MAPKAP1: variants seen among roughly 807,000 people sequenced by gnomAD.
MAPKAP1 encodes MAPK associated protein 1, also known as target of rapamycin complex 2 subunit MAPKAP1.
MAPKAP1 carries 20 observed loss-of-function variants against 65.7 expected under a neutral mutation model. That is an observed-to-expected ratio of 0.30 (90% CI 0.21 to 0.44). The LOEUF (loss-of-function observed/expected upper bound fraction) is 0.44. Among genes scored for constraint, MAPKAP1 ranks in the 20% least tolerant of loss-of-function variants. MAPKAP1 has a pLI of 1.00. For synonymous variants in MAPKAP1, 222 were observed against 244.3 expected (o/e 0.91, Z 0.85); for missense variants, 423 against 648.0 (o/e 0.65, Z 3.77).
At chr9:125,606,105 G>GA (rs749019922) in intron 4 of MAPKAP1, among the ~76,000 whole-genome samples, 61 of 150,420 alleles carry the variant, frequency 4.1e-4, no homozygotes, top group Middle Eastern at 3.4e-3. Context: ...TTTAGTGCCA[G>GA]AAAAAAAAAT....
intron 8 of MAPKAP1, among the ~76,000 whole-genome samples, chr9:125,505,206 C>A (rs1201998953): frequency 6.6e-6 from 1 of 152,072 alleles, no homozygotes; most frequent in Non-Finnish European, 1.5e-5. Context: ...CTGAGGCGGG[C>A]GGATCACCAC....
At chr9:125,591,341 A>G (rs1831957272) in intron 4 of MAPKAP1, among the ~76,000 whole-genome samples, 1 of 152,218 alleles carries the variant, frequency 6.6e-6, no homozygotes, top group Non-Finnish European at 1.5e-5. Flanking sequence ...CGAGGAGAGC[A>G]GTTAGGAGAT....
At chr9:125,547,690 T>C (rs377132037) in intron 6 of MAPKAP1, among the ~76,000 whole-genome samples, 9 of 152,302 alleles carry the variant, frequency 5.9e-5, no homozygotes, top group African/African-American at 2.2e-4. Flanking sequence ...CTGCCTGTCA[T>C]TGGTAACACA....
At chr9:125,562,238 T>C (rs371923064) in intron 5 of MAPKAP1, among the ~76,000 whole-genome samples, 24 of 152,316 alleles carry the variant, frequency 1.6e-4, no homozygotes, top group African/African-American at 5.5e-4. Flanking sequence ...TCAATAAATA[T>C]CACAGGCTAA....
chr9:125,687,659 C>T (rs1192664563), intron 1 of MAPKAP1, among the ~76,000 whole-genome samples: 2 of 151,626 alleles, frequency 1.3e-5, no homozygotes, highest in Non-Finnish European at 2.9e-5. Flanking sequence ...GGGGCACATG[C>T]CTGTAGTTCT....
intron 4 of MAPKAP1, among the ~76,000 whole-genome samples, chr9:125,656,646 G>A (rs938537082): frequency 1.3e-5 from 2 of 151,852 alleles, no homozygotes; most frequent in Non-Finnish European, 2.9e-5. Context: ...AAAAAATCAA[G>A]CATAAGCAAA....
intron 10 of MAPKAP1, among the ~76,000 whole-genome samples, chr9:125,463,602 C>G (rs950534): frequency 0.49 from 75,141 of 151,974 alleles, 19,350 homozygotes; most frequent in African/African-American, 0.64. Context: ...TGCAGTTGTG[C>G]TTAACTCTTA....
At chr9:125,513,822 T>C (rs942084868) in intron 7 of MAPKAP1, among the ~76,000 whole-genome samples, 3 of 152,176 alleles carry the variant, frequency 2.0e-5, no homozygotes, top group Non-Finnish European at 2.9e-5. Context: ...GTCTGTGCTC[T>C]TTCCCTCGTG....
intron 4 of MAPKAP1, among the ~76,000 whole-genome samples, chr9:125,639,658 C>T (rs896560712): frequency 3.9e-5 from 6 of 152,070 alleles, no homozygotes; most frequent in African/African-American, 9.7e-5. Flanking sequence ...TGTGGAAGTA[C>T]AGAGGAGGAG....
chr9:125,600,001 C>T lies in MAPKAP1; in HGVS notation c.499-14274G>A, dbSNP rs549055624. 2.0e-5 allele frequency: 3 copies of T among 152,314 alleles called. No individual in the cohort carries two copies. In the East Asian group the frequency reaches 5.8e-4, roughly 29 times the overall value. 9.4% of individuals were successfully genotyped at this position (152,314 alleles called of 1,614,324 possible). On this transcript the variant is annotated intron_variant, in intron 4 of 11. Transcript: ENST00000265960. ...GGTTGCTGCTCTCAGAAATGGTTTT[C>T]TCTACTTAAAACAAACCCTCTATAT...
intron 9 of MAPKAP1, among the ~76,000 whole-genome samples, chr9:125,474,990 C>T (rs1216227920): frequency 2.0e-5 from 3 of 152,130 alleles, no homozygotes; most frequent in Non-Finnish European, 2.9e-5. Context: ...TACAGCCAAT[C>T]GATAGCATCC....
At chr9:125,486,689 T>C (rs866010984) in intron 8 of MAPKAP1, among the ~76,000 whole-genome samples, 1 of 152,266 alleles carries the variant, frequency 6.6e-6, no homozygotes, top group Middle Eastern at 3.4e-3. Context: ...CCCACAATAG[T>C]ACTTTCCTTC....
rs551606198 is a variant in MAPKAP1 at position 125,479,409 on chromosome 9, G to A, written c.1207+5034C>T. Among the ~76,000 whole-genome samples the A allele has an allele frequency of 1.8e-4, 27 of 152,178 alleles. No individual in the cohort carries two copies. In the South Asian group the frequency reaches 3.7e-3, roughly 21 times the overall value. On this transcript the variant is annotated intron_variant, in intron 9 of 11. Transcript: ENST00000265960. Reference sequence around the variant, plus strand: ...AGCCTGACCAACACGGGGAAACCCCGTCTCTACTAAAAACACAAAAATTAG... The same window carrying A: ...AGCCTGACCAACACGGGGAAACCCCATCTCTACTAAAAACACAAAAATTAG...
At chr9:125,564,821 T>C (rs1831000109) in intron 5 of MAPKAP1, among the ~76,000 whole-genome samples, 1 of 152,180 alleles carries the variant, frequency 6.6e-6, no homozygotes, top group Admixed American at 6.5e-5. Flanking sequence ...GACAGTAGCA[T>C]GGCAGACAGC....
At chr9:125,607,134 A>C (rs1336430967) in intron 4 of MAPKAP1, among the ~76,000 whole-genome samples, 2 of 152,182 alleles carry the variant, frequency 1.3e-5, no homozygotes, top group African/African-American at 2.4e-5. Flanking sequence ...ACACTCCAAT[A>C]GTTTCTATTA....
At chr9:125,562,759 T>C (rs1245122938) in intron 5 of MAPKAP1, among the ~76,000 whole-genome samples, 1 of 152,222 alleles carries the variant, frequency 6.6e-6, no homozygotes, top group African/African-American at 2.4e-5. Flanking sequence ...ATCAACTTTG[T>C]AAATGAATCA....
chr9:125,625,270 A>ATAAATAAATAAAT (rs1225367114), intron 4 of MAPKAP1, among the ~76,000 whole-genome samples: 19 of 135,948 alleles, frequency 1.4e-4, no homozygotes, highest in Non-Finnish European at 2.7e-4. Flanking sequence ...AAAAAAAAAA[A>ATAAATAAATAAAT]AAAAAAAAAA....
chr9:125,573,703 T>C (rs1055064822), intron 5 of MAPKAP1, among the ~76,000 whole-genome samples: 7 of 152,330 alleles, frequency 4.6e-5, no homozygotes, highest in African/African-American at 1.2e-4. Context: ...CCAGTCACAC[T>C]GACCTTCTTT....
At chr9:125,457,043 C>G (rs147683811) in intron 10 of MAPKAP1, among the ~76,000 whole-genome samples, 1,853 of 148,910 alleles carry the variant, frequency 0.012, 43 homozygotes, top group African/African-American at 0.044. Context: ...GGCTGGAGTA[C>G]AGTGGCGCGA....
Sources: gnomAD v4.1 joint callset for allele counts (sites outside exome capture counted in the v4.1 genomes callset) on GRCh38, gnomAD v4.1.1 for gene constraint, MANE v1.5 for transcripts, NCBI Gene and HGNC (gene_info 2026-07-23, HGNC 2026-07-21) for gene names.